IQGAP2: variants seen among roughly 807,000 people sequenced by gnomAD.
The protein encoded by IQGAP2 is IQ motif containing GTPase activating protein 2.
IQGAP2 carries 173 observed loss-of-function variants against 201.3 expected under a neutral mutation model. That is an observed-to-expected ratio of 0.86 (90% CI 0.76 to 0.98). The LOEUF (loss-of-function observed/expected upper bound fraction) is 0.98. IQGAP2 is among the 50% of genes least tolerant of loss of function. The pLI is 0.00. For missense variants in IQGAP2, 1,687 were observed against 1,864.8 expected (o/e 0.90, Z 1.76); for synonymous variants, 675 against 673.9 (o/e 1.00, Z -0.03).
Position 76,654,930 on chromosome 5 carries a change from G to T in IQGAP2, c.2251-4G>T. On this transcript the variant is annotated splice_region_variant and splice_polypyrimidine_tract_variant and intron_variant, in intron 19 of 35. Transcript: ENST00000274364. ...AGATCAAGACTTGTCTTAATCTTTT[G>T]CAGAATAATGAAATTGTGAAAATAC... 14 of 1,603,888 alleles carry T rather than the reference G, an allele frequency of 8.7e-6. No homozygotes were observed. Among genetic ancestry groups the T allele is most frequent in the Non-Finnish European group, 1.2e-5 (14 of 1,171,030 alleles).
At position 76,706,792 on chromosome 5, in the gene IQGAP2, A is replaced by G. The variant is rs539444777; in HGVS notation, c.4615-408A>G. On this transcript the variant is annotated intron_variant, in intron 35 of 35. Coordinates refer to ENST00000274364, the MANE Select transcript of IQGAP2 (RefSeq NM_006633.5). ...CAGCCCTTATCAATTCCAAAAAGCT[A>G]TTTTCTTTCATCTAAGTCACAATCA... Among the ~76,000 whole-genome samples the G allele has an allele frequency of 1.2e-4, 19 of 152,336 alleles. No homozygotes were observed. In the South Asian group the frequency reaches 2.3e-3, roughly 18 times the overall value.
intron 2 of IQGAP2, among the ~76,000 whole-genome samples, chr5:76,507,276 T>G (rs1757658564): frequency 6.6e-6 from 1 of 152,110 alleles, no homozygotes; most frequent in Admixed American, 6.5e-5. Flanking sequence ...AAAAGATAAT[T>G]TTTTTCAACG....
chr5:76,599,314 A>C (rs897044483), intron 10 of IQGAP2, among the ~76,000 whole-genome samples: 3 of 152,172 alleles, frequency 2.0e-5, no homozygotes, highest in African/African-American at 7.2e-5. Flanking sequence ...AATTTCATTC[A>C]GGTTCTCTCA....
intron 33 of IQGAP2, 80 bp downstream of exon 33, chr5:76,698,227 G>C (rs146417606): frequency 1.8e-6 from 2 of 1,120,202 alleles, no homozygotes; most frequent in Admixed American, 2.6e-5. Flanking sequence ...AGGCAGTTGG[G>C]TTGGGTATGG....
At chr5:76,535,269 A>T (rs1186781067) in intron 2 of IQGAP2, among the ~76,000 whole-genome samples, 2 of 151,998 alleles carry the variant, frequency 1.3e-5, no homozygotes, top group Admixed American at 6.6e-5. Context: ...TAATCTAGAA[A>T]CCTGTTGCAG....
At chr5:76,632,752 G>A (rs12513912) in intron 15 of IQGAP2, among the ~76,000 whole-genome samples, 1 of 151,844 alleles carries the variant, frequency 6.6e-6, no homozygotes, top group Non-Finnish European at 1.5e-5. Context: ...GTCATCTACA[G>A]GATACTATTC....
intron 8 of IQGAP2, among the ~76,000 whole-genome samples, chr5:76,592,592 C>A (rs1746737564): frequency 6.6e-6 from 1 of 152,174 alleles, no homozygotes; most frequent in Non-Finnish European, 1.5e-5. Context: ...GTGGTCCAAA[C>A]TAATGTTTTC....
chr5:76,648,208 C>T (rs542762695), intron 17 of IQGAP2, among the ~76,000 whole-genome samples: 1 of 152,272 alleles, frequency 6.6e-6, no homozygotes, highest in South Asian at 2.1e-4. Flanking sequence ...AGGCCTTCCC[C>T]ACCTTAGTAG....
At chr5:76,637,354 AT>A (rs1389309117) in intron 16 of IQGAP2, among the ~76,000 whole-genome samples, 178 bp downstream of exon 16, 9 of 152,178 alleles carry the variant, frequency 5.9e-5, no homozygotes, top group Non-Finnish European at 1.0e-4. Context: ...AATGTACAGA[AT>A]TTTTTCCATA....
At chr5:76,615,270 G>A (rs1748837826) in intron 13 of IQGAP2, among the ~76,000 whole-genome samples, 1 of 152,164 alleles carries the variant, frequency 6.6e-6, no homozygotes, top group Non-Finnish European at 1.5e-5. Context: ...GTAAAACTGT[G>A]TTGTAATTGA....
Position 76,635,386 on chromosome 5 carries a change from T to C in IQGAP2, c.1781-1648T>C, listed in dbSNP as rs573309452. Reference sequence around the variant, plus strand: ...AGTGAATTGACCATTGGTGATTGTCTTTTAACCAACTAACAAATTTTTTAC... The same window carrying C: ...AGTGAATTGACCATTGGTGATTGTCCTTTAACCAACTAACAAATTTTTTAC... On this transcript the variant is annotated intron_variant, in intron 15 of 35. Coordinates refer to ENST00000274364, the MANE Select transcript of IQGAP2 (RefSeq NM_006633.5). Among the ~76,000 whole-genome samples, 6 of 152,332 alleles carry C rather than the reference T, an allele frequency of 3.9e-5. No individual in the cohort carries two copies. The East Asian group carries it at 1.2e-3, about 29-fold the overall frequency.
intron 2 of IQGAP2, among the ~76,000 whole-genome samples, chr5:76,521,603 C>T (rs1758687593): frequency 6.6e-6 from 1 of 152,190 alleles, no homozygotes; most frequent in Admixed American, 6.5e-5. Context: ...ATGCTTTGTA[C>T]AAGTTTCAGA....
intron 16 of IQGAP2, among the ~76,000 whole-genome samples, chr5:76,640,052 G>A (rs1452628428): frequency 6.6e-6 from 1 of 152,172 alleles, no homozygotes; most frequent in African/African-American, 2.4e-5. Flanking sequence ...TCAAGCATCA[G>A]TCTGTTAAGA....
intron 2 of IQGAP2, among the ~76,000 whole-genome samples, chr5:76,531,619 T>C (rs969514773): frequency 6.6e-6 from 1 of 152,212 alleles, no homozygotes; most frequent in African/African-American, 2.4e-5. Context: ...GGAGGACATA[T>C]TCAGACTATA....
chr5:76,579,422 G>A (rs1745688629), intron 5 of IQGAP2, among the ~76,000 whole-genome samples: 2 of 147,442 alleles, frequency 1.4e-5, no homozygotes, highest in Non-Finnish European at 3.0e-5. Context: ...ACAGGCATCA[G>A]GCTAAACTTT....
Position 76,666,785 on chromosome 5 carries a change from C to A in IQGAP2, c.2679+1610C>A, listed in dbSNP as rs144927609. 4.3e-3 allele frequency among the ~76,000 whole-genome samples: 658 copies of A among 152,296 alleles called. 6 individuals carry two copies. The highest frequency in any genetic ancestry group is 0.015 in the African/African-American group (634 of 41,550). Reference sequence around the variant, plus strand: ...TAGAGACAAGATGTCACTCTCCCACCCAGGCAGGAGTGCAGTGGCGCAACC... The same window carrying A: ...TAGAGACAAGATGTCACTCTCCCACACAGGCAGGAGTGCAGTGGCGCAACC... On this transcript the variant is annotated intron_variant, in intron 22 of 35. Coordinates refer to ENST00000274364, the MANE Select transcript of IQGAP2 (RefSeq NM_006633.5).
chr5:76,593,888 C>T (rs143490525), intron 9 of IQGAP2, among the ~76,000 whole-genome samples: 72 of 152,270 alleles, frequency 4.7e-4, no homozygotes, highest in Non-Finnish European at 9.4e-4. Flanking sequence ...CACGGTGTTA[C>T]TAAGAAGTCT....
At chr5:76,496,704 CTTTCTTTCTTTCTTTCTTTCT>C (rs778168109) in intron 2 of IQGAP2, among the ~76,000 whole-genome samples, 3,676 of 20,870 alleles carry the variant, frequency 0.18, 327 homozygotes, top group South Asian at 0.24. Flanking sequence ...CTTTCTGTCT[CTTTCTTTCTTTCTTTCTTTCT>C]TTTCTTTCTT....
At chr5:76,694,368 A>G (rs922132404) in intron 31 of IQGAP2, among the ~76,000 whole-genome samples, 2 of 152,226 alleles carry the variant, frequency 1.3e-5, no homozygotes, top group Non-Finnish European at 2.9e-5. Flanking sequence ...AAAATATTAT[A>G]CTAGGTTAGT....
Sources: gnomAD v4.1 joint callset for allele counts (sites outside exome capture counted in the v4.1 genomes callset) on GRCh38, gnomAD v4.1.1 for gene constraint, MANE v1.5 for transcripts, NCBI Gene and HGNC (gene_info 2026-07-23, HGNC 2026-07-21) for gene names.